PLCB4: variants seen among roughly 807,000 people sequenced by gnomAD.
PLCB4 encodes the protein 1-phosphatidylinositol 4,5-bisphosphate phosphodiesterase beta-4.
Under a neutral mutation model 178.8 loss-of-function variants are expected in PLCB4, and 77 were observed. The ratio of observed to expected loss-of-function variants is 0.43; its 90% confidence interval spans 0.36 to 0.52. The LOEUF (loss-of-function observed/expected upper bound fraction) is 0.52. Ranked by LOEUF, PLCB4 falls within the 20% of genes least tolerant of loss-of-function variation. The pLI, the probability that PLCB4 is intolerant of heterozygous loss-of-function variation, is 0.00. For missense variants in PLCB4, 1,024 were observed against 1,453.4 expected (o/e 0.70, Z 4.80); for synonymous variants, 496 against 490.8 (o/e 1.01, Z -0.14).
chr20:9,355,158 G>C (rs1019948913), intron 7 of PLCB4, among the ~76,000 whole-genome samples: 7 of 152,122 alleles, frequency 4.6e-5, no homozygotes, highest in African/African-American at 1.7e-4. Flanking sequence ...CAGTGTACTA[G>C]CTGGAAATGT....
At position 9,476,701 on chromosome 20, in the gene PLCB4, A is replaced by G. The variant is rs1285965817; in HGVS notation, c.3496-16A>G. 2.5e-6 allele frequency: 4 copies of G among 1,587,650 alleles called. No individual in the cohort carries two copies. Among genetic ancestry groups the G allele is most frequent in the African/African-American group, 2.7e-5 (2 of 74,364 alleles). ...TGTATGACTCAATTTTGACATTACT[A>G]TTTTTGTACAAACAGCTTTTGAAAT... On this transcript the variant is annotated splice_polypyrimidine_tract_variant and intron_variant, in intron 38 of 39. Coordinates refer to ENST00000378473, the MANE Select transcript of PLCB4 (RefSeq NM_001377142.1).
chr20:9,275,703 A>G (rs2094444745), intron 3 of PLCB4, among the ~76,000 whole-genome samples: 1 of 152,058 alleles, frequency 6.6e-6, no homozygotes, highest in Non-Finnish European at 1.5e-5. Flanking sequence ...AATATGGCCC[A>G]TGGACCAGCA....
intron 38 of PLCB4, among the ~76,000 whole-genome samples, chr20:9,473,631 A>G (rs1013445953): frequency 6.6e-5 from 10 of 152,238 alleles, no homozygotes; most frequent in African/African-American, 2.2e-4. Flanking sequence ...TGAAATTACT[A>G]AAAGTGAGAG....
chr20:9,383,253 G>T (rs1413128506), intron 13 of PLCB4, among the ~76,000 whole-genome samples: 3 of 152,188 alleles, frequency 2.0e-5, no homozygotes, highest in African/African-American at 7.2e-5. Flanking sequence ...TTGAGGTGGG[G>T]TATACAGGAT....
intron 2 of PLCB4, among the ~76,000 whole-genome samples, chr20:9,168,783 C>T (rs1176338264): frequency 6.6e-6 from 1 of 152,174 alleles, no homozygotes; most frequent in African/African-American, 2.4e-5. Flanking sequence ...ACACTGGCCG[C>T]TTTGTGGCTG....
At chr20:9,097,200 G>A (rs931924686) in intron 2 of PLCB4, among the ~76,000 whole-genome samples, 5 of 148,400 alleles carry the variant, frequency 3.4e-5, no homozygotes, top group African/African-American at 1.0e-4. Context: ...CTCCGAAAGT[G>A]CTGGGATTAT....
chr20:9,364,776 G>A (rs969065525), intron 8 of PLCB4, among the ~76,000 whole-genome samples: 1 of 152,134 alleles, frequency 6.6e-6, no homozygotes, highest in African/African-American at 2.4e-5. Context: ...AGGAAGAATG[G>A]GAGTCATTAG....
chr20:9,218,663 C>T (rs1228064013), intron 3 of PLCB4, among the ~76,000 whole-genome samples: 2 of 152,150 alleles, frequency 1.3e-5, no homozygotes, highest in Non-Finnish European at 2.9e-5. Flanking sequence ...TTTCTTCCGG[C>T]CTTTCCATGA....
intron 2 of PLCB4, among the ~76,000 whole-genome samples, chr20:9,215,027 G>T (rs2093714008): frequency 6.6e-6 from 1 of 152,144 alleles, no homozygotes; most frequent in South Asian, 2.1e-4. Flanking sequence ...GAGGAGCATG[G>T]TATGGCAGGA....
intron 1 of PLCB4, among the ~76,000 whole-genome samples, chr20:9,090,478 A>C (rs1330208666): frequency 6.6e-6 from 1 of 151,600 alleles, no homozygotes; most frequent in Non-Finnish European, 1.5e-5. Flanking sequence ...TAACTATCCC[A>C]AAATAAGTTT....
intron 3 of PLCB4, among the ~76,000 whole-genome samples, chr20:9,281,815 A>C (rs2094496671): frequency 6.6e-6 from 1 of 151,992 alleles, no homozygotes; most frequent in South Asian, 2.1e-4. Flanking sequence ...TGAAGAATTA[A>C]ACACACTCTA....
intron 2 of PLCB4, among the ~76,000 whole-genome samples, chr20:9,192,527 T>C (rs1272206480): frequency 9.9e-5 from 15 of 150,904 alleles, no homozygotes; most frequent in African/African-American, 3.7e-4. Context: ...AATTTTTTTT[T>C]CTTTTTTTTT....
intron 3 of PLCB4, among the ~76,000 whole-genome samples, chr20:9,280,873 C>T (rs2094489173): frequency 6.8e-6 from 1 of 146,834 alleles, no homozygotes; most frequent in Non-Finnish European, 1.5e-5. Context: ...TGCCTGGAGG[C>T]ATATTTGTAT....
intron 1 of PLCB4, among the ~76,000 whole-genome samples, chr20:9,088,178 C>CTTTTTT (rs10554943): frequency 1.0e-5 from 1 of 99,168 alleles, no homozygotes; most frequent in Non-Finnish European, 2.3e-5. Context: ...CTTTTCTTTT[C>CTTTTTT]TTTTTTTTTT....
At chr20:9,282,453 A>G (rs1601598056) in intron 3 of PLCB4, among the ~76,000 whole-genome samples, 1 of 151,768 alleles carries the variant, frequency 6.6e-6, no homozygotes, top group East Asian at 1.9e-4. Context: ...ATACCCCCAT[A>G]CTCACACCCT....
At chr20:9,106,664 A>G (rs905252760) in intron 2 of PLCB4, among the ~76,000 whole-genome samples, 9 of 152,114 alleles carry the variant, frequency 5.9e-5, no homozygotes, top group African/African-American at 2.2e-4. Context: ...AGTCAGGAAC[A>G]TTTTGCAGTC....
chr20:9,437,292 A>C, intron 30 of PLCB4, 140 bp downstream of exon 30: 2 of 737,642 alleles, frequency 2.7e-6, no homozygotes, highest in Non-Finnish European at 4.3e-6. Flanking sequence ...TAACTAATTC[A>C]TCCCCACTCT....
At chr20:9,251,329 C>T (rs888224299) in intron 3 of PLCB4, among the ~76,000 whole-genome samples, 1 of 152,094 alleles carries the variant, frequency 6.6e-6, no homozygotes, top group Admixed American at 6.5e-5. Context: ...GATTTCAGTC[C>T]CCATCCTTGA....
At chr20:9,103,176 C>T (rs899005829) in intron 2 of PLCB4, among the ~76,000 whole-genome samples, 1 of 152,096 alleles carries the variant, frequency 6.6e-6, no homozygotes, top group Non-Finnish European at 1.5e-5. Context: ...GTGCTGACTA[C>T]TCCAGTATGG....
Sources: allele counts gnomAD v4.1 joint callset (sites outside exome capture counted in the v4.1 genomes callset), GRCh38; gene constraint gnomAD v4.1.1; transcripts MANE v1.5; gene names NCBI Gene and HGNC (gene_info 2026-07-23, HGNC 2026-07-21).